The following EMC1 variants were observed in gnomAD, a reference collection of about 807,000 sequenced individuals.
The protein encoded by EMC1 is ER membrane protein complex subunit 1, also known as KIAA0090.
A neutral mutation model predicts 128.8 loss-of-function variants in EMC1; 103 were observed. The ratio of observed to expected loss-of-function variants is 0.80; its 90% confidence interval spans 0.68 to 0.94. The LOEUF (loss-of-function observed/expected upper bound fraction) is 0.94, where lower values mean the gene tolerates loss of function less well. Ranked by LOEUF, EMC1 falls within the 40% of genes least tolerant of loss-of-function variation. The pLI is 0.00. For missense variants in EMC1, 1,083 were observed against 1,250.6 expected (o/e 0.87, Z 2.02); for synonymous variants, 442 against 490.4 (o/e 0.90, Z 1.30).
In EMC1 at chr1:19,231,255, C is replaced by T. The variant is rs2151947800; in HGVS notation, c.1944+6G>A. On this transcript the variant is annotated splice_donor_region_variant and intron_variant, in intron 16 of 22. Transcript: ENST00000477853. ...GCATGTTCTCCATCCCCTCTGAAGA[C>T]AGTACCTTGTATTCATCATCTATCA... The T allele has an allele frequency of 1.3e-6, 2 of 1,589,632 alleles. No individual in the cohort carries two copies. Among genetic ancestry groups the T allele is most frequent in the Non-Finnish European group, 1.7e-6 (2 of 1,173,654 alleles).
chr1:19,238,398 T>C (rs1447053080), intron 10 of EMC1, among the ~76,000 whole-genome samples: 1 of 151,970 alleles, frequency 6.6e-6, no homozygotes, highest in African/African-American at 2.4e-5. Context: ...GAGAGAGAGG[T>C]AGGGCTGAGC....
In EMC1 at chr1:19,239,250, A is replaced by C; in HGVS notation, c.1007T>G (p.Met336Arg). The change falls in exon 9 of 23, where the codon ATG becomes AGG. Residue 336 changes from methionine to arginine, a missense_variant. Met to Arg is a moderately conservative substitution (Grantham distance 91). Coordinates refer to ENST00000477853, the MANE Select transcript of EMC1 (RefSeq NM_015047.3). ...ACTCACCACTTCATTCCGACAGGCC[A>C]TGACTGCAGCCACCGTCTTCTCCCC... ...TTGEKTVAAV[M>R]ACRNEVQKSS... 1 of 1,614,162 alleles carries C rather than the reference A, an allele frequency of 6.2e-7. No homozygotes were observed. Among genetic ancestry groups the C allele is most frequent in the South Asian group, 1.1e-5 (1 of 91,084 alleles).
intron 20 of EMC1, among the ~76,000 whole-genome samples, chr1:19,222,344 G>A (rs919328749): frequency 2.2e-4 from 33 of 151,982 alleles, no homozygotes; most frequent in Admixed American, 3.3e-4. Context: ...GGTTGAGGCT[G>A]CAGTGAGTCA....
In EMC1 at chr1:19,235,140, G is replaced by C; in HGVS notation, c.1422C>G (p.Gly474=). Residue 474 remains glycine, a synonymous_variant, in exon 13 of 23, where the codon GGC becomes GGG. Coordinates refer to ENST00000477853, the MANE Select transcript of EMC1 (RefSeq NM_015047.3). ...GAQAELEGEF[G]KKADGLLGMF... ...CTCTTAGGTTCATACCTGCCTTTTT[G>C]CCAAATTCTCCTTCCAGCTCGGCCT... is the stretch of plus-strand genomic sequence containing the variant. 20 of 1,611,528 alleles carry C rather than the reference G, an allele frequency of 1.2e-5. No homozygotes were observed. Among genetic ancestry groups the C allele is most frequent in the Non-Finnish European group, 1.7e-5 (20 of 1,179,138 alleles).
intron 15 of EMC1, 115 bp downstream of exon 15, chr1:19,232,509 C>T (rs938728450): frequency 1.0e-5 from 12 of 1,170,948 alleles, no homozygotes; most frequent in Non-Finnish European, 1.4e-5. Context: ...AGAGTTCTAA[C>T]CCCTGAATGT....
At position 19,238,083 on chromosome 1, in the gene EMC1, T is replaced by A; in HGVS notation, c.1146A>T (p.Thr382=). Residue 382 remains threonine (T), a synonymous_variant, in exon 11 of 23, where the codon ACA becomes ACT. Transcript: ENST00000477853. ...TCGTGGTGTCCAGCAGCCGCCGACC[T>A]GTCTCCACGAGGTATAGGTTAATGG... ...TYTINLYLVE[T]GRRLLDTTIT... 1 of 1,614,190 alleles carries A rather than the reference T, an allele frequency of 6.2e-7. No individual in the cohort carries two copies. Among genetic ancestry groups the A allele is most frequent in the Non-Finnish European group, 8.5e-7 (1 of 1,180,036 alleles).
At chr1:19,248,664 C>T (rs1004482153) in intron 1 of EMC1, among the ~76,000 whole-genome samples, 3 of 151,906 alleles carry the variant, frequency 2.0e-5, no homozygotes, top group Non-Finnish European at 4.4e-5. Context: ...GTGATCCACC[C>T]GCCTCGGCCT....
intron 1 of EMC1, among the ~76,000 whole-genome samples, chr1:19,245,528 A>G (rs558511845): frequency 1.3e-5 from 2 of 152,336 alleles, no homozygotes; most frequent in East Asian, 3.9e-4. Flanking sequence ...GAGTAAGAGA[A>G]GAAAATTAGC....
intron 11 of EMC1, among the ~76,000 whole-genome samples, chr1:19,237,558 G>A (rs1387098581): frequency 6.6e-6 from 1 of 152,134 alleles, no homozygotes; most frequent in Non-Finnish European, 1.5e-5. Context: ...TAGAAACGAA[G>A]AAGCCACAGC....
rs2093423936 is a variant in EMC1, at chr1:19,220,582, T to TGAG, written c.2672+181_2672+182insCTC. 3 of 478,818 alleles carry TGAG rather than the reference T, an allele frequency of 6.3e-6. No homozygotes were observed. The Admixed American group carries it at 1.1e-4, about 18-fold the overall frequency. The allele number at this position is 478,818 out of a possible 1,614,324, so 29.7% of individuals were successfully genotyped here. On this transcript the variant is annotated intron_variant, in intron 21 of 22. Transcript: ENST00000477853. ...TTTACTTGTTTATCTTATGTATTTA[T>TGAG]TGTCCATTTCCCAGCAGACTGTAAG...
chr1:19,251,433 T>A lies in EMC1; in HGVS notation c.77A>T (p.Gln26Leu), dbSNP rs2093658912. ...TACGCACCAATCAAACTTGCCCACTTGGTCTTCGTAGACCGCGGCCGCAGG... is the reference window on the plus strand; with the variant it reads ...TACGCACCAATCAAACTTGCCCACTAGGTCTTCGTAGACCGCGGCCGCAGG... Reference protein sequence around the residue: ...LIPAAAVYEDQVGKFDWRQQY... With the variant: ...LIPAAAVYEDLVGKFDWRQQY... The change falls in exon 1 of 23, where the codon CAA becomes CTA. Residue 26 changes from glutamine (Q) to leucine (L), a missense_variant. Coordinates refer to ENST00000477853, the MANE Select transcript of EMC1 (RefSeq NM_015047.3). 6.2e-7 allele frequency: 1 copy of A among 1,614,036 alleles called. No homozygotes were observed.
At chr1:19,237,099 G>C in intron 12 of EMC1, 43 bp downstream of exon 12, 2 of 1,393,488 alleles carry the variant, frequency 1.4e-6, no homozygotes, top group Non-Finnish European at 2.0e-6. Flanking sequence ...CACATTGGAA[G>C]GCCTGGGGAA....
intron 18 of EMC1, among the ~76,000 whole-genome samples, chr1:19,224,190 A>G (rs2093453696): frequency 6.6e-6 from 1 of 152,172 alleles, no homozygotes; most frequent in Admixed American, 6.5e-5. Flanking sequence ...ACACATCAGA[A>G]AGCTCTCAAG....
chr1:19,238,082 C>G lies in EMC1; in HGVS notation c.1147G>C (p.Gly383Arg). 1 of 1,614,166 alleles carries G rather than the reference C, an allele frequency of 6.2e-7. No homozygotes were observed. Among genetic ancestry groups the G allele is most frequent in the Non-Finnish European group, 8.5e-7 (1 of 1,180,040 alleles). Residue 383 changes from glycine (G) to arginine (R), a missense_variant, in exon 11 of 23, where the codon GGT becomes CGT. Transcript: ENST00000477853. ...YTINLYLVET[G>R]RRLLDTTITF... ...ATCGTGGTGTCCAGCAGCCGCCGAC[C>G]TGTCTCCACGAGGTATAGGTTAATG...
rs755567367 is a variant in EMC1, at chr1:19,219,317, G to T, written c.2968C>A (p.Arg990=). 56 of 1,613,892 alleles carry T rather than the reference G, an allele frequency of 3.5e-5. No individual in the cohort carries two copies. Among genetic ancestry groups the T allele is most frequent in the Non-Finnish European group, 4.3e-5 (51 of 1,180,034 alleles). Residue 990 remains arginine, a synonymous_variant, in exon 23 of 23, where the codon CGG becomes AGG. Transcript: ENST00000477853. ...KRLAQVKLLN[R]AWR is the part of the protein sequence containing the mutation. ...GTCTTTGTTCTTTATCGCCAGGCCC[G>T]ATTCAGGAGCTTCACCTGTGCCAGT...
rs1386294173 is a variant in EMC1 at position 19,240,315 on chromosome 1, C to G, written c.768G>C (p.Leu256Phe). 3 of 1,614,076 alleles carry G rather than the reference C, an allele frequency of 1.9e-6. No individual in the cohort carries two copies. Among genetic ancestry groups the G allele is most frequent in the African/African-American group, 1.3e-5 (1 of 74,918 alleles). ...QTLALETEWE[L>F]RQIPLQSLDL... ...CTCTCACCTGCAGTGGGATCTGTCT[C>G]AACTCCCATTCCGTCTCCAGAGCCA... Residue 256 changes from leucine (L) to phenylalanine (F), a missense_variant, in exon 7 of 23, where the codon TTG (leucine) becomes TTC (phenylalanine). Leu to Phe is a conservative substitution (Grantham distance 22, BLOSUM62 0). Coordinates refer to ENST00000477853, the MANE Select transcript of EMC1 (RefSeq NM_015047.3).
At chr1:19,247,666 T>A (rs1428650685) in intron 1 of EMC1, among the ~76,000 whole-genome samples, 1 of 152,238 alleles carries the variant, frequency 6.6e-6, no homozygotes. Context: ...CTTTTTATGG[T>A]TAGAGTACTC....
intron 15 of EMC1, 116 bp from the exon 16 acceptor site, chr1:19,231,538 C>A: frequency 9.1e-7 from 1 of 1,099,956 alleles, no homozygotes; most frequent in Non-Finnish European, 1.3e-6. Context: ...AGTCTTTGCC[C>A]TCTTTGTGGA....
intron 17 of EMC1, 117 bp downstream of exon 17, chr1:19,230,727 G>C: frequency 7.6e-7 from 1 of 1,314,696 alleles, no homozygotes; most frequent in Non-Finnish European, 1.1e-6. Context: ...CAGACATCAG[G>C]ATTATGCTAA....
Sources: allele counts gnomAD v4.1 joint callset (sites outside exome capture counted in the v4.1 genomes callset), GRCh38; gene constraint gnomAD v4.1.1; transcripts MANE v1.5; gene names NCBI Gene and HGNC (gene_info 2026-07-23, HGNC 2026-07-21).